The following YEATS2 variants were observed in gnomAD, a reference collection of about 807,000 sequenced individuals.
The protein encoded by YEATS2 is YEATS domain containing 2, also known as YEATS domain-containing protein 2.
Under a neutral mutation model 163.2 loss-of-function variants are expected in YEATS2, and 77 were observed. The ratio of observed to expected loss-of-function variants is 0.47; its 90% CI spans 0.39 to 0.57. The LOEUF is 0.57. YEATS2 is among the 20% of genes least tolerant of loss of function. YEATS2 has a pLI of 0.00. For missense variants in YEATS2, 1,549 were observed against 1,729.8 expected (o/e 0.90, Z 1.85); for synonymous variants, 631 against 645.1 (o/e 0.98, Z 0.33).
chr3:183,791,053 A>T lies in YEATS2; in HGVS notation c.3097+73A>T. On this transcript the variant is annotated intron_variant, in intron 21 of 30. Transcript: ENST00000305135. Reference sequence around the variant, plus strand: ...TGGAATATTTTTGTTTGTTTGTTTGAGATAGCGTCTCACTCTGTCGCCCAA... The same window carrying T: ...TGGAATATTTTTGTTTGTTTGTTTGTGATAGCGTCTCACTCTGTCGCCCAA... 5 of 1,557,382 alleles carry T rather than the reference A, an allele frequency of 3.2e-6. No homozygotes were observed. The South Asian group carries it at 6.0e-5, about 19-fold the overall frequency.
At chr3:183,709,543 C>A (rs2108994343) in intron 1 of YEATS2, among the ~76,000 whole-genome samples, 1 of 152,194 alleles carries the variant, frequency 6.6e-6, no homozygotes, top group Admixed American at 6.5e-5. Flanking sequence ...CCATGTTGGC[C>A]AGGTGGGTTT....
intron 7 of YEATS2, among the ~76,000 whole-genome samples, chr3:183,729,543 G>T (rs1177374555): frequency 6.6e-6 from 1 of 152,120 alleles, no homozygotes; most frequent in Non-Finnish European, 1.5e-5. Context: ...TCTCTTAGAA[G>T]TAACTCCCAA....
At chr3:183,752,280 CGTT>C (rs1720254376) in intron 10 of YEATS2, 27 bp downstream of exon 10, 1 of 1,613,192 alleles carries the variant, frequency 6.2e-7, no homozygotes, top group Admixed American at 1.7e-5. Context: ...CCTTGCATAG[CGTT>C]GTTCTGAGGC....
chr3:183,708,876 T>G (rs1433045379), intron 1 of YEATS2, among the ~76,000 whole-genome samples: 1 of 151,888 alleles, frequency 6.6e-6, no homozygotes, highest in Admixed American at 6.6e-5. Flanking sequence ...AAAAAATTTT[T>G]TTTGGCCAGG....
intron 11 of YEATS2, among the ~76,000 whole-genome samples, chr3:183,755,737 CTTTCTTTTTT>C (rs1720670895): frequency 9.2e-5 from 3 of 32,456 alleles, no homozygotes; most frequent in Admixed American, 4.6e-4. Context: ...TTCTTCCTTC[CTTTCTTTTTT>C]TTTTTTTTTT....
intron 8 of YEATS2, among the ~76,000 whole-genome samples, chr3:183,745,516 C>T (rs1719438460): frequency 6.6e-6 from 1 of 152,146 alleles, no homozygotes; most frequent in African/African-American, 2.4e-5. Context: ...GAATTCTTTG[C>T]ATTCTTCAAG....
intron 1 of YEATS2, among the ~76,000 whole-genome samples, chr3:183,712,624 T>C (rs1715386379): frequency 6.6e-6 from 1 of 152,186 alleles, no homozygotes; most frequent in Admixed American, 6.5e-5. Context: ...GTCTCTTTCA[T>C]AGATTAACAC....
intron 21 of YEATS2, chr3:183,793,026 T>C (rs1274290454): frequency 2.4e-6 from 2 of 836,944 alleles, no homozygotes; most frequent in Non-Finnish European, 1.7e-6. Context: ...TATAATCTGG[T>C]ATAGACAGAT....
chr3:183,773,233 A>G (rs1019067516), intron 16 of YEATS2, among the ~76,000 whole-genome samples: 1 of 152,172 alleles, frequency 6.6e-6, no homozygotes, highest in African/African-American at 2.4e-5. Context: ...TTTGACTTTA[A>G]ACAAATGGGG....
At chr3:183,759,549 C>A (rs1430780785) in intron 13 of YEATS2, among the ~76,000 whole-genome samples, 1 of 152,122 alleles carries the variant, frequency 6.6e-6, no homozygotes, top group Non-Finnish European at 1.5e-5. Flanking sequence ...ACTTTCTGCT[C>A]CTTAACCCAT....
chr3:183,808,781 G>GCT, intron 29 of YEATS2: 1 of 201,290 alleles, frequency 5.0e-6, no homozygotes, highest in East Asian at 1.4e-4. Context: ...GCTTGAACCC[G>GCT]GGAGGCGGAG....
At chr3:183,762,826 C>T (rs1368414688) in intron 15 of YEATS2, among the ~76,000 whole-genome samples, 22 of 151,652 alleles carry the variant, frequency 1.5e-4, no homozygotes, top group African/African-American at 3.9e-4. Flanking sequence ...CTGAGGCGGG[C>T]GGATTACCTG....
rs4491930 is a variant in YEATS2, at chr3:183,810,584, G to C, written c.*1G>C. 1 of 1,613,152 alleles carries C rather than the reference G, an allele frequency of 6.2e-7. No homozygotes were observed. The highest frequency in any genetic ancestry group is 8.5e-7 in the Non-Finnish European group (1 of 1,179,296). ...GGGAATATTGAATGAGGACCAGTGA[G>C]CGGAGTGAGGTGCCCTGGAGAAGCA... On this transcript the variant is annotated 3_prime_UTR_variant, in exon 31 of 31. Transcript: ENST00000305135.
Position 183,801,477 on chromosome 3 carries a change from C to T in YEATS2, c.3451C>T (p.Gln1151Ter), listed in dbSNP as rs1177702597. Residue 1151 changes from glutamine (Q) to a stop codon, truncating the protein, a stop_gained, in exon 25 of 31, where the codon CAG becomes TAG. Transcript: ENST00000305135. LOFTEE classifies it high-confidence loss of function. ...VIKIDHLETI[Q>*]QLLTAVVKKI... ...CAGGATAGACCATTTAGAAACTATCCAGCAACTCCTAACTGCAGTAGTAAA... is the reference window on the plus strand; with the variant it reads ...CAGGATAGACCATTTAGAAACTATCTAGCAACTCCTAACTGCAGTAGTAAA... 1.2e-6 allele frequency: 2 copies of T among 1,609,880 alleles called. No individual in the cohort carries two copies. The highest frequency in any genetic ancestry group is 1.7e-6 in the Non-Finnish European group (2 of 1,178,306).
intron 7 of YEATS2, among the ~76,000 whole-genome samples, chr3:183,731,500 A>G (rs1717776528): frequency 1.3e-5 from 2 of 152,336 alleles, no homozygotes. Context: ...TTCTCATACC[A>G]TAAATGAGAA....
intron 17 of YEATS2, among the ~76,000 whole-genome samples, chr3:183,774,306 TCA>T (rs1722757696): frequency 6.6e-6 from 1 of 152,126 alleles, no homozygotes; most frequent in Non-Finnish European, 1.5e-5. Flanking sequence ...CATCAGATTC[TCA>T]CAGGAGCGCG....
intron 9 of YEATS2, among the ~76,000 whole-genome samples, chr3:183,751,514 T>C (rs923651430): frequency 3.3e-5 from 5 of 152,220 alleles, no homozygotes; most frequent in African/African-American, 1.2e-4. Flanking sequence ...TATTGAGCGC[T>C]GGTCCAGGTG....
rs376025260 is a variant in YEATS2 at position 183,797,956 on chromosome 3, C to T, written c.3131C>T (p.Pro1044Leu). Residue 1044 changes from proline (P) to leucine (L), a missense_variant, in exon 22 of 31, where the codon CCG (proline) becomes CTG (leucine). Physicochemically the swap from Pro to Leu is moderately conservative, Grantham distance 98. Coordinates refer to ENST00000305135, the MANE Select transcript of YEATS2 (RefSeq NM_018023.5). ...LLKIHSSQSSPQQAVLTIPSQ... is the reference protein window; with the variant it reads ...LLKIHSSQSSLQQAVLTIPSQ... ...AAGATTCACTCCAGTCAGTCCAGTC[C>T]GCAGCAGGCCGTCCTGACGATTCCC... is the stretch of plus-strand genomic sequence containing the variant. 36 of 1,614,014 alleles carry T rather than the reference C, an allele frequency of 2.2e-5. No individual in the cohort carries two copies. The highest frequency in any genetic ancestry group is 2.6e-5 in the Non-Finnish European group (31 of 1,180,002).
intron 7 of YEATS2, among the ~76,000 whole-genome samples, chr3:183,730,155 C>T (rs529455112): frequency 7.3e-6 from 1 of 136,458 alleles, no homozygotes; most frequent in African/African-American, 2.8e-5. Context: ...ACCTCCACCC[C>T]CCAGGTTCAA....
Sources: gnomAD v4.1 joint callset for allele counts (sites outside exome capture counted in the v4.1 genomes callset) on GRCh38, gnomAD v4.1.1 for gene constraint, MANE v1.5 for transcripts, NCBI Gene and HGNC (gene_info 2026-07-23, HGNC 2026-07-21) for gene names.